The following NPAT variants were observed in gnomAD, a reference collection of about 807,000 sequenced individuals.
NPAT encodes the protein protein NPAT.
NPAT carries 52 observed loss-of-function variants against 130.7 expected under a neutral mutation model. That is an observed-to-expected ratio of 0.40 (90% CI 0.32 to 0.50). The LOEUF (loss-of-function observed/expected upper bound fraction) is 0.50, where lower values mean the gene tolerates loss of function less well. Among genes scored for constraint, NPAT ranks in the 20% least tolerant of loss-of-function variants. The pLI, the probability that NPAT is intolerant of heterozygous loss-of-function variation, is 0.68. For missense variants in NPAT, 1,687 were observed against 1,662.6 expected (o/e 1.01, Z -0.26); for synonymous variants, 580 against 584.8 (o/e 0.99, Z 0.12).
In NPAT at chr11:108,162,126, G is replaced by T. The variant is rs745548434; in HGVS notation, c.3065C>A (p.Ala1022Glu). ...GAAACTACTTTATACTCACTTTTGT[G>T]CATGACATCCAACTGAATGACCTGA... Reference protein sequence around the residue: ...DSSGHSVGCHAQKTEVSDKSI... With the variant: ...DSSGHSVGCHEQKTEVSDKSI... The change falls in exon 16 of 18, where the codon GCA (alanine) becomes GAA (glutamate). Residue 1022 changes from alanine to glutamate, a missense_variant. Around this residue, in one of 3 missense-constraint regions of NPAT, gnomAD observed 1,379 missense variants for 1,346.6 expected, o/e 1.02. Coordinates refer to ENST00000278612, the MANE Select transcript of NPAT (RefSeq NM_002519.3). 1 of 1,613,680 alleles carries T rather than the reference G, an allele frequency of 6.2e-7. No individual in the cohort carries two copies. Among genetic ancestry groups the T allele is most frequent in the Non-Finnish European group, 8.5e-7 (1 of 1,179,710 alleles).
intron 2 of NPAT, among the ~76,000 whole-genome samples, chr11:108,196,217 A>C (rs1223062835): frequency 6.6e-6 from 1 of 152,228 alleles, no homozygotes; most frequent in Non-Finnish European, 1.5e-5. Flanking sequence ...TTTGTTGATA[A>C]GACCATCCTT....
chr11:108,220,007 A>C (rs767774463), intron 1 of NPAT, among the ~76,000 whole-genome samples: 14 of 152,260 alleles, frequency 9.2e-5, no homozygotes, highest in Non-Finnish European at 1.6e-4. Flanking sequence ...AATACATACA[A>C]GAATTTTCAA....
chr11:108,180,592 C>A (rs1262908947), intron 10 of NPAT, among the ~76,000 whole-genome samples: 2 of 151,010 alleles, frequency 1.3e-5, no homozygotes, highest in African/African-American at 4.9e-5. Flanking sequence ...AATTCTTGTA[C>A]ACTGTTGGTG....
In NPAT at chr11:108,172,908, G is replaced by A; in HGVS notation, c.2076C>T (p.Gly692=). Reference sequence around the variant, plus strand: ...GAGAGTGACTGTTTTCTACAGGAGTGCCTTCTGGAGGCGTCAGTGCAACTT... The same window carrying A: ...GAGAGTGACTGTTTTCTACAGGAGTACCTTCTGGAGGCGTCAGTGCAACTT... The part of the protein sequence containing the change: ...CEKVALTPPE[G]TPVENSHSLP... Residue 692 remains glycine (G), a synonymous_variant, in exon 13 of 18, where the codon GGC becomes GGT. Transcript: ENST00000278612. 27 of 1,614,050 alleles carry A rather than the reference G, an allele frequency of 1.7e-5. No individual in the cohort carries two copies. The highest frequency in any genetic ancestry group is 2.0e-5 in the Non-Finnish European group (24 of 1,179,994).
chr11:108,164,970 C>A (rs549650587), intron 15 of NPAT, among the ~76,000 whole-genome samples: 2 of 152,256 alleles, frequency 1.3e-5, no homozygotes, highest in East Asian at 1.9e-4. Flanking sequence ...GAGACTGCCA[C>A]TGCATTCCAG....
At position 108,157,552 on chromosome 11, in the gene NPAT, TAAG is replaced by T. The variant is rs2077808372; in HGVS notation, c.*1387_*1389del. On this transcript the variant is annotated 3_prime_UTR_variant, in exon 18 of 18. Transcript: ENST00000278612. Reference sequence around the variant, plus strand: ...AGTTTTTGCAGTAAGGTTCAGCAATTAAGAAGACATGATTTCTACACTGAGAAA... The same window carrying T: ...AGTTTTTGCAGTAAGGTTCAGCAATTAAGACATGATTTCTACACTGAGAAA... 2 of 152,086 alleles carry T rather than the reference TAAG, an allele frequency of 1.3e-5. No homozygotes were observed. Among genetic ancestry groups the T allele is most frequent in the East Asian group, 1.9e-4 (1 of 5,200 alleles). 9.4% of individuals were successfully genotyped at this position (152,086 alleles called of 1,614,324 possible). A position where few individuals can be genotyped will look rare whatever the true frequency, so the allele number is the denominator to read the frequency against.
At chr11:108,165,800 A>G (rs2077897189) in intron 15 of NPAT, among the ~76,000 whole-genome samples, 1 of 151,578 alleles carries the variant, frequency 6.6e-6, no homozygotes, top group African/African-American at 2.4e-5. Flanking sequence ...CGCCTGGCTA[A>G]TTTTTTGTAT....
At chr11:108,197,604 A>G (rs575236892) in intron 1 of NPAT, among the ~76,000 whole-genome samples, 184 bp from the exon 2 acceptor site, 1 of 152,354 alleles carries the variant, frequency 6.6e-6, no homozygotes, top group East Asian at 1.9e-4. Flanking sequence ...AGTTCATAGA[A>G]CAGGTGGCCC....
Position 108,193,957 on chromosome 11 carries a change from C to G in NPAT, c.217G>C (p.Glu73Gln), listed in dbSNP as rs759699527. The change falls in exon 3 of 18, where the codon GAA becomes CAA. Residue 73 changes from glutamate to glutamine, a missense_variant and splice_region_variant. Physicochemically the swap from Glu to Gln is conservative, Grantham distance 29. This residue lies in a region of NPAT where 307 missense variants were observed against 298.9 expected (regional missense o/e 1.03). Transcript: ENST00000278612. ...LNEYVAMKTK[E>Q]TSNNVPAIMS... ...AAAAACTCCAAATCAGAACTCTTAC[C>G]TTTTGTTTTCATAGCTACATACTCA... 1.3e-6 allele frequency: 2 copies of G among 1,554,120 alleles called. No homozygotes were observed. The highest frequency in any genetic ancestry group is 1.8e-6 in the Non-Finnish European group (2 of 1,126,384).
intron 1 of NPAT, among the ~76,000 whole-genome samples, chr11:108,216,258 G>A (rs1324652203): frequency 6.6e-6 from 1 of 152,020 alleles, no homozygotes; most frequent in Non-Finnish European, 1.5e-5. Flanking sequence ...TCTGATAGAC[G>A]GTGGTATTAA....
intron 1 of NPAT, among the ~76,000 whole-genome samples, chr11:108,209,253 C>T (rs1388783937): frequency 6.6e-6 from 1 of 151,704 alleles, no homozygotes; most frequent in African/African-American, 2.4e-5. Flanking sequence ...GCACTCCAGC[C>T]TGGGTGACAG....
intron 1 of NPAT, among the ~76,000 whole-genome samples, chr11:108,206,205 A>C (rs2078323720): frequency 6.6e-6 from 1 of 152,238 alleles, no homozygotes; most frequent in Non-Finnish European, 1.5e-5. Flanking sequence ...TGATCCAACT[A>C]TATGCTGTTG....
Position 108,222,566 on chromosome 11 carries a change from G to C in NPAT, c.-30C>G. ...AAAACCACAGCAGGAACCACAATAA[G>C]GAACAAGACTCAGGTTAAAGCAAAC... On this transcript the variant is annotated 5_prime_UTR_variant, in exon 1 of 18. Coordinates refer to ENST00000278612, the MANE Select transcript of NPAT (RefSeq NM_002519.3). The C allele has an allele frequency of 6.2e-7, 1 of 1,613,322 alleles. No individual in the cohort carries two copies. Among genetic ancestry groups the C allele is most frequent in the Non-Finnish European group, 8.5e-7 (1 of 1,179,566 alleles).
intron 10 of NPAT, among the ~76,000 whole-genome samples, chr11:108,182,492 T>C (rs1258864857): frequency 6.6e-6 from 1 of 152,240 alleles, no homozygotes; most frequent in African/African-American, 2.4e-5. Context: ...AAAACTGTTA[T>C]TTAAATCTTT....
At chr11:108,204,058 C>T (rs1031518478) in intron 1 of NPAT, among the ~76,000 whole-genome samples, 1 of 152,148 alleles carries the variant, frequency 6.6e-6, no homozygotes, top group Admixed American at 6.6e-5. Context: ...GCTGTTTTTG[C>T]AAAACAGCAC....
chr11:108,188,882 T>C (rs752429347), intron 6 of NPAT, among the ~76,000 whole-genome samples: 2 of 152,194 alleles, frequency 1.3e-5, no homozygotes, highest in Non-Finnish European at 2.9e-5. Flanking sequence ...ATTAGAGAGT[T>C]GAAGACTTCA....
At chr11:108,219,256 G>GACT (rs2078461489) in intron 1 of NPAT, among the ~76,000 whole-genome samples, 1 of 152,082 alleles carries the variant, frequency 6.6e-6, no homozygotes, top group South Asian at 2.1e-4. Context: ...TCTCCTCTAA[G>GACT]ACTACCACTC....
intron 1 of NPAT, among the ~76,000 whole-genome samples, chr11:108,208,910 A>G (rs2078356177): frequency 6.6e-6 from 1 of 152,246 alleles, no homozygotes; most frequent in Admixed American, 6.5e-5. Flanking sequence ...TAGGACATGA[A>G]ATAAGTGTCA....
chr11:108,192,188 T>C lies in NPAT; in HGVS notation c.220A>G (p.Thr74Ala), dbSNP rs753044103. 3.8e-6 allele frequency: 6 copies of C among 1,596,286 alleles called. No individual in the cohort carries two copies. The highest frequency in any genetic ancestry group is 5.2e-6 in the Non-Finnish European group (6 of 1,164,108). The change falls in exon 4 of 18, where the codon ACA becomes GCA. Residue 74 changes from threonine to alanine, a missense_variant and splice_region_variant. By Grantham distance (58) the Thr-to-Ala change is moderately conservative. Coordinates refer to ENST00000278612, the MANE Select transcript of NPAT (RefSeq NM_002519.3). ...NEYVAMKTKETSNNVPAIMSS... is the reference protein window; with the variant it reads ...NEYVAMKTKEASNNVPAIMSS... ...ATTATTGCTGGGACATTATTTGATG[T>C]TTCTAAATCATAGGAGAAAAGGTTC...
Sources: gnomAD v4.1 joint callset for allele counts (sites outside exome capture counted in the v4.1 genomes callset) on GRCh38, gnomAD v4.1.1 for gene constraint, gnomAD v4.1.1 regional missense constraint, MANE v1.5 for transcripts, NCBI Gene and HGNC (gene_info 2026-07-23, HGNC 2026-07-21) for gene names.